The following PHACTR1 variants were observed in gnomAD, a reference collection of about 807,000 sequenced individuals.
PHACTR1 encodes the protein RPEL repeat containing 1.
PHACTR1 carries 16 observed loss-of-function variants against 69.2 expected under a neutral mutation model. The ratio of observed to expected loss-of-function variants is 0.23; its 90% confidence interval spans 0.16 to 0.35. PHACTR1 has a LOEUF of 0.35. Ranked by LOEUF, PHACTR1 falls within the 10% of genes least tolerant of loss-of-function variation. The probability of loss-of-function intolerance (pLI) is 1.00; values close to 1 mark genes in which losing one functional copy is unlikely to be tolerated. For missense variants in PHACTR1, 510 were observed against 734.7 expected (o/e 0.69, Z 3.54); for synonymous variants, 312 against 284.5 (o/e 1.10, Z -0.97).
chr6:13,032,304 T>C (rs1182642792), intron 4 of PHACTR1, among the ~76,000 whole-genome samples: 2 of 152,222 alleles, frequency 1.3e-5, no homozygotes, highest in African/African-American at 2.4e-5. Context: ...AGCTTATTTA[T>C]TTTATTCAGA....
At chr6:12,855,195 C>A (rs1412089451) in intron 4 of PHACTR1, among the ~76,000 whole-genome samples, 1 of 152,178 alleles carries the variant, frequency 6.6e-6, no homozygotes, top group Non-Finnish European at 1.5e-5. Context: ...CCATGAAATA[C>A]TACACAGCCA....
At chr6:13,261,164 G>A (rs1478458704) in intron 10 of PHACTR1, among the ~76,000 whole-genome samples, 1 of 152,164 alleles carries the variant, frequency 6.6e-6, no homozygotes, top group Admixed American at 6.5e-5. Context: ...CTGAGACCTC[G>A]AGCCTGGACC....
intron 4 of PHACTR1, among the ~76,000 whole-genome samples, chr6:12,884,868 C>G (rs2127460383): frequency 6.6e-6 from 1 of 152,156 alleles, no homozygotes; most frequent in Non-Finnish European, 1.5e-5. Context: ...CTCTAGTAAC[C>G]CAATTTTGAA....
intron 4 of PHACTR1, among the ~76,000 whole-genome samples, chr6:12,873,677 C>A (rs1782280094): frequency 6.6e-6 from 1 of 152,146 alleles, no homozygotes; most frequent in Non-Finnish European, 1.5e-5. Flanking sequence ...ATTCCCCAGA[C>A]AATGAAGGGG....
At chr6:12,896,673 C>T (rs1784701167) in intron 4 of PHACTR1, among the ~76,000 whole-genome samples, 1 of 152,198 alleles carries the variant, frequency 6.6e-6, no homozygotes, top group Non-Finnish European at 1.5e-5. Flanking sequence ...GAAACATTCT[C>T]CAGTGCTGAA....
chr6:13,283,975 G>A lies in PHACTR1; in HGVS notation c.1650+413G>A, dbSNP rs929645288. 8.2e-5 allele frequency: 15 copies of A among 182,970 alleles called. No individual in the cohort carries two copies. The highest frequency in any genetic ancestry group is 3.3e-4 in the African/African-American group (14 of 42,460). 11.3% of individuals were successfully genotyped at this position (182,970 alleles called of 1,614,324 possible). On this transcript the variant is annotated intron_variant, in intron 13 of 14. Coordinates refer to ENST00000332995, the MANE Select transcript of PHACTR1 (RefSeq NM_030948.6). This position sits in a 1 kb window ranked among gnomAD's most constrained non-coding sequence, Gnocchi z 4.7. Reference sequence around the variant, plus strand: ...AGACAAAGTAGACGCATAACCCCAGGAGGGAAATAGGGCATAAATCAAAGA... The same window carrying A: ...AGACAAAGTAGACGCATAACCCCAGAAGGGAAATAGGGCATAAATCAAAGA...
intron 4 of PHACTR1, among the ~76,000 whole-genome samples, chr6:12,858,932 T>C (rs1173412599): frequency 6.6e-6 from 1 of 152,174 alleles, no homozygotes. Flanking sequence ...TCTTCTTCAA[T>C]GTTAAGATGT....
At chr6:13,284,533 AAAAAAAAAAAATATAT>A (rs1270922598) in intron 13 of PHACTR1, among the ~76,000 whole-genome samples, 1 of 107,832 alleles carries the variant, frequency 9.3e-6, no homozygotes, top group Non-Finnish European at 1.7e-5. Flanking sequence ...AAAAAAAAAA[AAAAAAAAAAAATATAT>A]ATATATATAT....
At chr6:13,269,153 A>T (rs1150624) in intron 10 of PHACTR1, among the ~76,000 whole-genome samples, 2,229 of 152,310 alleles carry the variant, frequency 0.015, 53 homozygotes, top group African/African-American at 0.051. Context: ...GGCGCCACCC[A>T]CATTTACAAG....
At chr6:13,188,353 T>C (rs923285720) in intron 7 of PHACTR1, among the ~76,000 whole-genome samples, 1 of 152,334 alleles carries the variant, frequency 6.6e-6, no homozygotes, top group Middle Eastern at 3.4e-3. Context: ...CTGTTACTAA[T>C]TGCTCTGAAG....
chr6:13,105,808 C>T (rs1816034782), intron 5 of PHACTR1, among the ~76,000 whole-genome samples: 1 of 152,210 alleles, frequency 6.6e-6, no homozygotes, highest in African/African-American at 2.4e-5. Context: ...AGGACTGCAA[C>T]AAGGAGCATA....
chr6:13,242,751 T>C (rs1007848285), intron 10 of PHACTR1, among the ~76,000 whole-genome samples: 1 of 152,228 alleles, frequency 6.6e-6, no homozygotes, highest in Non-Finnish European at 1.5e-5. Context: ...CAGTGGACTT[T>C]GAGCTCGAGT....
At chr6:13,175,006 A>T (rs1162962965) in intron 6 of PHACTR1, among the ~76,000 whole-genome samples, 3 of 152,202 alleles carry the variant, frequency 2.0e-5, no homozygotes, top group Non-Finnish European at 4.4e-5. Context: ...ATGCTCCAGA[A>T]ATGTTTCTTT....
intron 4 of PHACTR1, among the ~76,000 whole-genome samples, chr6:12,754,297 A>C (rs1403573684): frequency 6.6e-6 from 1 of 151,992 alleles, no homozygotes; most frequent in Non-Finnish European, 1.5e-5. Context: ...TATTATTGCC[A>C]TCCTGATCTG....
chr6:13,129,968 A>G (rs1236203616), intron 5 of PHACTR1, among the ~76,000 whole-genome samples: 3 of 152,122 alleles, frequency 2.0e-5, no homozygotes, highest in African/African-American at 4.8e-5. Flanking sequence ...TCAAACCACA[A>G]TGGAATAAAG....
chr6:12,728,245 G>A (rs1416659311), intron 3 of PHACTR1, among the ~76,000 whole-genome samples: 1 of 152,030 alleles, frequency 6.6e-6, no homozygotes, highest in African/African-American at 2.4e-5. Context: ...CTTGAACCCT[G>A]GACTTCCAGG....
intron 5 of PHACTR1, among the ~76,000 whole-genome samples, chr6:13,141,480 G>GTGTAAAAA (rs1324890512): frequency 1.3e-5 from 2 of 152,168 alleles, no homozygotes; most frequent in Admixed American, 6.5e-5. Flanking sequence ...TTCAAAATAA[G>GTGTAAAAA]TGTAAAAATA....
At chr6:12,979,440 T>G (rs556164918) in intron 4 of PHACTR1, among the ~76,000 whole-genome samples, 251 of 152,258 alleles carry the variant, frequency 1.6e-3, no homozygotes, top group African/African-American at 5.7e-3. Context: ...AGAGAATAGT[T>G]GGCGAGGTCC....
intron 4 of PHACTR1, among the ~76,000 whole-genome samples, chr6:12,949,658 TA>T (rs1214375185): frequency 9.8e-5 from 15 of 152,324 alleles, no homozygotes; most frequent in East Asian, 5.8e-4. Flanking sequence ...AAAGAATATA[TA>T]AACCCTGATA....
Sources: allele counts gnomAD v4.1 joint callset (sites outside exome capture counted in the v4.1 genomes callset), GRCh38; gene constraint gnomAD v4.1.1; non-coding constraint Gnocchi (gnomAD v3.1); transcripts MANE v1.5; gene names NCBI Gene and HGNC (gene_info 2026-07-23, HGNC 2026-07-21).